Variants in DPP6 observed in about 807,000 individuals in gnomAD.
The protein encoded by DPP6 is dipeptidyl peptidase like 6, also known as A-type potassium channel modulatory protein DPP6.
In DPP6, 69 loss-of-function variants were observed where a neutral mutation model predicts 122.6. The ratio of observed to expected loss-of-function variants is 0.56; its 90% CI spans 0.46 to 0.69. The LOEUF (loss-of-function observed/expected upper bound fraction) is 0.69, where lower values mean the gene tolerates loss of function less well. Ranked by LOEUF, DPP6 falls within the 30% of genes least tolerant of loss-of-function variation. DPP6 has a pLI of 0.00. For synonymous variants in DPP6, 418 were observed against 433.1 expected, an observed-to-expected ratio of 0.97 and a Z score of 0.43; for missense variants, 928 against 1,116.9, an observed-to-expected ratio of 0.83 and a Z score of 2.41.
At chr7:154,188,699 C>T (rs1469245002) in intron 1 of DPP6, among the ~76,000 whole-genome samples, 2 of 152,228 alleles carry the variant, frequency 1.3e-5, no homozygotes, top group Non-Finnish European at 2.9e-5. Flanking sequence ...TAAACCCACA[C>T]AACCCCACAC....
chr7:154,586,518 T>C (rs976245770), intron 5 of DPP6, among the ~76,000 whole-genome samples: 1 of 152,092 alleles, frequency 6.6e-6, no homozygotes, highest in Admixed American at 6.5e-5. Context: ...GAGTTGGCCT[T>C]TCTCTTCCCC....
At chr7:154,628,928 C>T (rs943409232) in intron 5 of DPP6, among the ~76,000 whole-genome samples, 1 of 152,198 alleles carries the variant, frequency 6.6e-6, no homozygotes, top group Non-Finnish European at 1.5e-5. Context: ...GGTCTCACCT[C>T]TCCTCATGTC....
At chr7:154,594,220 T>G (rs1219696171) in intron 5 of DPP6, among the ~76,000 whole-genome samples, 1 of 152,200 alleles carries the variant, frequency 6.6e-6, no homozygotes, top group Non-Finnish European at 1.5e-5. Flanking sequence ...GGATGGAAAC[T>G]TTCATGTTGT....
chr7:154,353,737 C>T (rs1811060551), intron 1 of DPP6, among the ~76,000 whole-genome samples: 1 of 152,196 alleles, frequency 6.6e-6, no homozygotes, highest in Non-Finnish European at 1.5e-5. Context: ...GACACTAACA[C>T]TGATTTAGGG....
chr7:154,857,394 C>T (rs1004264333), intron 17 of DPP6, among the ~76,000 whole-genome samples: 1 of 152,166 alleles, frequency 6.6e-6, no homozygotes, highest in African/African-American at 2.4e-5. Flanking sequence ...CATAGCTGCA[C>T]GAATGGCTTT....
intron 7 of DPP6, among the ~76,000 whole-genome samples, chr7:154,702,025 C>T (rs553715364): frequency 6.6e-6 from 1 of 152,340 alleles, no homozygotes; most frequent in South Asian, 2.1e-4. Flanking sequence ...GCATCTCTGT[C>T]ACATTTTGGC....
chr7:154,767,269 G>A (rs1328964574), intron 8 of DPP6, among the ~76,000 whole-genome samples: 1 of 152,114 alleles, frequency 6.6e-6, no homozygotes, highest in Non-Finnish European at 1.5e-5. Flanking sequence ...CACTCCCAGG[G>A]ACTCTACTCC....
intron 6 of DPP6, among the ~76,000 whole-genome samples, chr7:154,638,235 C>T (rs1391336633): frequency 6.6e-5 from 10 of 152,176 alleles, no homozygotes; most frequent in Non-Finnish European, 1.3e-4. Flanking sequence ...TGGCCTCCCA[C>T]GAGGGTTCCT....
chr7:154,550,134 T>C (rs1007053151), intron 4 of DPP6, among the ~76,000 whole-genome samples: 7 of 152,232 alleles, frequency 4.6e-5, no homozygotes, highest in Non-Finnish European at 1.0e-4. Context: ...ACCTAATTTA[T>C]TTATTTTTAA....
At chr7:154,425,575 T>C (rs1040577639) in intron 1 of DPP6, among the ~76,000 whole-genome samples, 12 of 151,446 alleles carry the variant, frequency 7.9e-5, no homozygotes, top group African/African-American at 2.4e-4. Flanking sequence ...ATTTCTTTCT[T>C]CTGTTTATAG....
intron 21 of DPP6, chr7:154,884,373 A>G (rs1405277730): frequency 2.1e-5 from 3 of 146,124 alleles, no homozygotes; most frequent in African/African-American, 7.8e-5. Context: ...CACAAATTAC[A>G]TACACCTGCT....
At chr7:153,826,695 C>G in the DPP6 span, among the ~76,000 whole-genome samples, 2 of 152,122 alleles carry the variant, frequency 1.3e-5, no homozygotes, top group Non-Finnish European at 2.9e-5. Flanking sequence ...ACTTCTGTGT[C>G]TCTGTGTTGC....
At chr7:154,524,262 G>C (rs909603107) in intron 3 of DPP6, among the ~76,000 whole-genome samples, 3 of 152,144 alleles carry the variant, frequency 2.0e-5, no homozygotes, top group Non-Finnish European at 2.9e-5. Context: ...TGTATTCACT[G>C]TGTCTTCATC....
chr7:154,658,919 G>A (rs1478777618), intron 6 of DPP6, among the ~76,000 whole-genome samples: 3 of 152,130 alleles, frequency 2.0e-5, no homozygotes, highest in East Asian at 1.9e-4. Context: ...AGGTAGATTC[G>A]GCATAAAACC....
intron 1 of DPP6, among the ~76,000 whole-genome samples, chr7:153,973,306 AT>A (rs1180683112): frequency 1.3e-5 from 2 of 152,184 alleles, no homozygotes; most frequent in African/African-American, 4.8e-5. Flanking sequence ...CTGCTGCAGA[AT>A]TTTGTGGTGT....
intron 1 of DPP6, among the ~76,000 whole-genome samples, chr7:154,244,560 A>T (rs1801850444): frequency 6.6e-6 from 1 of 152,162 alleles, no homozygotes; most frequent in Non-Finnish European, 1.5e-5. Context: ...AACAACATAG[A>T]GGATACAAGT....
chr7:154,130,768 A>C (rs781184851), intron 1 of DPP6, among the ~76,000 whole-genome samples: 5 of 151,984 alleles, frequency 3.3e-5, no homozygotes, highest in Non-Finnish European at 5.9e-5. Context: ...CTGTCCCAAG[A>C]GCCTGCAGGA....
intron 10 of DPP6, among the ~76,000 whole-genome samples, chr7:154,787,621 G>GA (rs1438666289): frequency 1.3e-5 from 2 of 152,108 alleles, no homozygotes; most frequent in African/African-American, 4.8e-5. Flanking sequence ...ACTCTCTACT[G>GA]AAAAGAAATT....
chr7:153,772,967 G>GACTTTTATATATTATATAATAATATAT, the DPP6 span, among the ~76,000 whole-genome samples: 1 of 71,658 alleles, frequency 1.4e-5, no homozygotes, highest in Non-Finnish European at 2.5e-5. Flanking sequence ...ATATATAAAA[G>GACTTTTATATATTATATAATAATATAT]AAAAGACTTA....
Sources: allele counts gnomAD v4.1 joint callset (sites outside exome capture counted in the v4.1 genomes callset), GRCh38; gene constraint gnomAD v4.1.1; transcripts MANE v1.5; gene names NCBI Gene and HGNC (gene_info 2026-07-23, HGNC 2026-07-21).